Variants in DIPK1A observed in about 807,000 individuals in gnomAD.
The protein encoded by DIPK1A is family with sequence similarity 69 member A.
Under a neutral mutation model 40.8 loss-of-function variants are expected in DIPK1A, and 27 were observed. The ratio of observed to expected loss-of-function variants is 0.66; its 90% CI spans 0.49 to 0.91. DIPK1A has a LOEUF of 0.91. Among genes scored for constraint, DIPK1A ranks in the 40% least tolerant of loss-of-function variants. The probability of loss-of-function intolerance (pLI) is 0.00; values close to 1 mark genes in which losing one functional copy is unlikely to be tolerated. For missense variants in DIPK1A, 412 were observed against 505.7 expected (o/e 0.81, Z 1.78); for synonymous variants, 166 against 171.3 (o/e 0.97, Z 0.24).
At chr1:92,865,440 G>GA (rs113093197) in intron 2 of DIPK1A, among the ~76,000 whole-genome samples, 31 of 148,172 alleles carry the variant, frequency 2.1e-4, no homozygotes, top group East Asian at 7.8e-4. Context: ...AAGCACAAGT[G>GA]AAAAAAAAAA....
At chr1:92,838,998 G>C (rs1056473233), downstream of DIPK1A, among the ~76,000 whole-genome samples, 4 of 150,728 alleles carry the variant, frequency 2.7e-5, no homozygotes, top group African/African-American at 9.8e-5. Flanking sequence ...GTCTGTAGTG[G>C]GCTATAATTA....
chr1:92,863,887 T>A (rs1647404732), intron 2 of DIPK1A, among the ~76,000 whole-genome samples: 1 of 151,970 alleles, frequency 6.6e-6, no homozygotes, highest in South Asian at 2.1e-4. Flanking sequence ...AAACCCCGTC[T>A]CTACTAAAAA....
chr1:92,854,595 G>C (rs1687924588), intron 2 of DIPK1A, among the ~76,000 whole-genome samples: 1 of 152,238 alleles, frequency 6.6e-6, no homozygotes, highest in Admixed American at 6.5e-5. Flanking sequence ...CCTTCAGCTA[G>C]TAGTAGTGGA....
chr1:92,895,273 G>A (rs1002478940), intron 1 of DIPK1A, among the ~76,000 whole-genome samples: 14 of 152,052 alleles, frequency 9.2e-5, no homozygotes, highest in African/African-American at 3.4e-4. Flanking sequence ...CTGGCAAACT[G>A]AATCCAGCAG....
chr1:92,959,403 TTGTTTTC>T (rs1034813532), intron 1 of DIPK1A, among the ~76,000 whole-genome samples: 11 of 152,150 alleles, frequency 7.2e-5, no homozygotes, highest in African/African-American at 2.2e-4. Flanking sequence ...CAGTTCATTA[TTGTTTTC>T]TGTTTTCTGA....
At chr1:92,923,010 C>A (rs1407942263) in intron 1 of DIPK1A, among the ~76,000 whole-genome samples, 1 of 152,106 alleles carries the variant, frequency 6.6e-6, no homozygotes, top group East Asian at 1.9e-4. Context: ...AGGGTGAATC[C>A]TGCTTTTAAC....
At chr1:92,864,984 A>G (rs942713490) in intron 2 of DIPK1A, among the ~76,000 whole-genome samples, 3 of 139,686 alleles carry the variant, frequency 2.1e-5, no homozygotes, top group African/African-American at 8.0e-5. Context: ...AGAGGTTGCA[A>G]TGAGCTGAGA....
intron 1 of DIPK1A, among the ~76,000 whole-genome samples, chr1:92,890,420 T>C (rs1327190172): frequency 6.6e-6 from 1 of 152,214 alleles, no homozygotes. Flanking sequence ...GCTTTCAGCT[T>C]TTCCTTGTTC....
chr1:92,950,890 C>T (rs558310857), intron 1 of DIPK1A, among the ~76,000 whole-genome samples: 2 of 152,168 alleles, frequency 1.3e-5, no homozygotes, highest in South Asian at 4.1e-4. Flanking sequence ...TTTGGTACCA[C>T]CGTTAAACCT....
chr1:92,874,815 C>T (rs185864103), intron 2 of DIPK1A, among the ~76,000 whole-genome samples: 1 of 152,228 alleles, frequency 6.6e-6, no homozygotes, highest in East Asian at 1.9e-4. Flanking sequence ...ATTCTGGTTC[C>T]ATCATCTTGG....
intron 1 of DIPK1A, among the ~76,000 whole-genome samples, chr1:92,887,053 T>C (rs1648636277): frequency 6.6e-6 from 1 of 151,960 alleles, no homozygotes; most frequent in Admixed American, 6.6e-5. Context: ...CCTGCCTCAT[T>C]GGTGTTGGGC....
At chr1:92,950,295 A>G (rs1249400740) in intron 1 of DIPK1A, among the ~76,000 whole-genome samples, 1 of 152,196 alleles carries the variant, frequency 6.6e-6, no homozygotes, top group Non-Finnish European at 1.5e-5. Context: ...TGGAAACTGG[A>G]AGTTTTTCAG....
intron 2 of DIPK1A, among the ~76,000 whole-genome samples, chr1:92,854,845 A>T (rs11164827): frequency 0.37 from 56,940 of 151,928 alleles, 12,230 homozygotes; most frequent in East Asian, 0.71. Context: ...ATGGCCCGCA[A>T]TTTCATTGGC....
downstream of DIPK1A, chr1:92,840,220 T>C (rs1362902297): frequency 3.2e-6 from 1 of 316,874 alleles, no homozygotes; most frequent in African/African-American, 2.2e-5. Flanking sequence ...TGTGTTGCCT[T>C]AGCTGGTCTC....
At chr1:92,948,509 C>T (rs904121717) in intron 1 of DIPK1A, among the ~76,000 whole-genome samples, 5 of 150,366 alleles carry the variant, frequency 3.3e-5, no homozygotes, top group African/African-American at 1.2e-4. Context: ...GTCTCGAACT[C>T]TTGAGCTCAA....
chr1:92,841,145 C>T (rs190901859), downstream of DIPK1A, among the ~76,000 whole-genome samples: 2 of 152,290 alleles, frequency 1.3e-5, no homozygotes, highest in African/African-American at 2.4e-5. Context: ...AAATCATACT[C>T]CTCCTGTTGG....
intron 1 of DIPK1A, among the ~76,000 whole-genome samples, chr1:92,949,667 G>A (rs1651549264): frequency 6.6e-6 from 1 of 152,118 alleles, no homozygotes; most frequent in Admixed American, 6.6e-5. Flanking sequence ...GAAGTAAGAG[G>A]CATAGTAACC....
At chr1:92,941,086 G>C (rs974691813) in intron 1 of DIPK1A, among the ~76,000 whole-genome samples, 1 of 145,328 alleles carries the variant, frequency 6.9e-6, no homozygotes, top group South Asian at 2.3e-4. Flanking sequence ...TTTTTAACAG[G>C]GTCTTTAGCA....
At chr1:92,892,882 A>G (rs915415617) in intron 1 of DIPK1A, among the ~76,000 whole-genome samples, 2 of 152,176 alleles carry the variant, frequency 1.3e-5, no homozygotes, top group African/African-American at 4.8e-5. Context: ...CGATTCGATC[A>G]ACTGGAAGAA....
Sources: allele counts gnomAD v4.1 joint callset (sites outside exome capture counted in the v4.1 genomes callset), GRCh38; gene constraint gnomAD v4.1.1; transcripts MANE v1.5; gene names NCBI Gene and HGNC (gene_info 2026-07-23, HGNC 2026-07-21).